UBR1: variants seen among roughly 807,000 people sequenced by gnomAD.
The protein encoded by UBR1 is ubiquitin protein ligase E3 component n-recognin 1.
A neutral mutation model predicts 242.1 loss-of-function variants in UBR1; 102 were observed. That is an observed-to-expected ratio of 0.42 (90% CI 0.36 to 0.50). The LOEUF is 0.50. UBR1 is among the 20% of genes least tolerant of loss of function. The probability of loss-of-function intolerance (pLI) is 0.01; values close to 1 mark genes in which losing one functional copy is unlikely to be tolerated. For synonymous variants in UBR1, 675 were observed against 684.8 expected, an observed-to-expected ratio of 0.99 and a Z score of 0.22; for missense variants, 1,772 against 2,101.8, an observed-to-expected ratio of 0.84 and a Z score of 3.07.
intron 32 of UBR1, among the ~76,000 whole-genome samples, chr15:43,002,222 A>G (rs2032736926): frequency 6.6e-6 from 1 of 152,210 alleles, no homozygotes; most frequent in South Asian, 2.1e-4. Flanking sequence ...ACAACTTTCT[A>G]TTTGTTTTTG....
At chr15:42,956,357 T>C (rs1411023967) in intron 44 of UBR1, among the ~76,000 whole-genome samples, 1 of 152,214 alleles carries the variant, frequency 6.6e-6, no homozygotes, top group Non-Finnish European at 1.5e-5. Context: ...ATTCACTCTG[T>C]CACCCAGGCT....
Position 43,026,591 on chromosome 15 carries a change from A to G in UBR1, c.2505T>C (p.Phe835=). ...DESLKDFNMY[F]YHYSKTQHSK... is the part of the protein sequence containing the mutation. ...TATGCTGGGTTTTGGAGTAATGATA[A>G]AAGTACATATTGAAGTCTTTCAGTG... is the stretch of plus-strand genomic sequence containing the variant. Residue 835 remains phenylalanine (F), a synonymous_variant, in exon 23 of 47, where the codon TTT becomes TTC. Coordinates refer to ENST00000290650, the MANE Select transcript of UBR1 (RefSeq NM_174916.3). 3 of 1,613,430 alleles carry G rather than the reference A, an allele frequency of 1.9e-6. No homozygotes were observed. Among genetic ancestry groups the G allele is most frequent in the East Asian group, 2.2e-5 (1 of 44,740 alleles).
At chr15:43,030,181 A>G in intron 20 of UBR1, 113 bp from the exon 21 acceptor site, 2 of 1,217,060 alleles carry the variant, frequency 1.6e-6, no homozygotes, top group East Asian at 5.2e-5. Context: ...AATCTGTGAG[A>G]GAGGGGCAAA....
chr15:43,044,808 C>G (rs764842559), intron 14 of UBR1, among the ~76,000 whole-genome samples: 1 of 152,002 alleles, frequency 6.6e-6, no homozygotes, highest in Non-Finnish European at 1.5e-5. Flanking sequence ...GGCAGCAGAA[C>G]CGCTTGAACC....
chr15:42,975,749 C>G (rs1386458616), intron 39 of UBR1, among the ~76,000 whole-genome samples: 3 of 151,842 alleles, frequency 2.0e-5, no homozygotes, highest in Non-Finnish European at 4.4e-5. Flanking sequence ...GCTGGAGTGC[C>G]ATGGCGTAAA....
rs185588808 is a variant in UBR1, at chr15:42,996,328, G to A, written c.3757+1840C>T. ...TATGATAACTTAGGCTGGGCACACTGGCTCATGCCTGTAATCCTGGTACTC... is the reference window on the plus strand; with the variant it reads ...TATGATAACTTAGGCTGGGCACACTAGCTCATGCCTGTAATCCTGGTACTC... On this transcript the variant is annotated intron_variant, in intron 33 of 46. Transcript: ENST00000290650. Among the ~76,000 whole-genome samples the A allele has an allele frequency of 6.6e-5, 10 of 152,294 alleles. No homozygotes were observed. In the East Asian group the frequency reaches 1.9e-3, roughly 29 times the overall value.
intron 8 of UBR1, 129 bp downstream of exon 8, chr15:43,059,573 T>C (rs1312594025): frequency 9.0e-7 from 1 of 1,106,806 alleles, no homozygotes; most frequent in African/African-American, 1.7e-5. Context: ...TGAAAATTAA[T>C]CAAAGTGTAT....
At chr15:43,076,613 A>T (rs1350999195) in intron 3 of UBR1, among the ~76,000 whole-genome samples, 1 of 149,070 alleles carries the variant, frequency 6.7e-6, no homozygotes, top group Non-Finnish European at 1.5e-5. Context: ...CTGGGAGGTG[A>T]GGAGCCTCTC....
At chr15:43,102,395 G>T (rs2034248442) in intron 1 of UBR1, among the ~76,000 whole-genome samples, 1 of 152,172 alleles carries the variant, frequency 6.6e-6, no homozygotes, top group African/African-American at 2.4e-5. Flanking sequence ...TTGGATTTAT[G>T]ATTCTGGAGT....
chr15:42,948,032 C>T (rs1048825833), intron 46 of UBR1, among the ~76,000 whole-genome samples: 10 of 152,196 alleles, frequency 6.6e-5, no homozygotes, highest in Admixed American at 4.6e-4. Flanking sequence ...TGACTTCAAA[C>T]CATACTACAA....
chr15:43,072,502 C>A (rs905741982), intron 4 of UBR1, among the ~76,000 whole-genome samples: 3 of 152,230 alleles, frequency 2.0e-5, no homozygotes, highest in Non-Finnish European at 4.4e-5. Flanking sequence ...CCCTTTCCAA[C>A]GTGGATGCCT....
intron 1 of UBR1, among the ~76,000 whole-genome samples, chr15:43,101,222 T>C (rs1482600363): frequency 6.6e-6 from 1 of 152,090 alleles, no homozygotes. Context: ...GTAATGAGTT[T>C]ATAAGTATAA....
intron 1 of UBR1, among the ~76,000 whole-genome samples, chr15:43,098,384 A>G (rs1197476370): frequency 6.6e-6 from 1 of 152,214 alleles, no homozygotes; most frequent in African/African-American, 2.4e-5. Flanking sequence ...GTGAGCACAC[A>G]ATGTTGAAAA....
intron 39 of UBR1, among the ~76,000 whole-genome samples, chr15:42,972,630 C>CA (rs1200101094): frequency 2.0e-5 from 3 of 152,172 alleles, no homozygotes; most frequent in Non-Finnish European, 4.4e-5. Flanking sequence ...CTTGTCCTCC[C>CA]AAAGTGCTGA....
chr15:43,091,848 C>T (rs1335953278), intron 1 of UBR1: 13 of 305,488 alleles, frequency 4.3e-5, no homozygotes, highest in Admixed American at 5.0e-5. Flanking sequence ...AGGAGAATCA[C>T]TTGAACCCGG....
In UBR1 at chr15:43,022,684, A is replaced by C; in HGVS notation, c.2839+18T>G. On this transcript the variant is annotated intron_variant, in intron 26 of 46. Transcript: ENST00000290650. ...ACTTTCAATGACAAATGTGTTGAAG[A>C]GTGATACTCAAACATACTTGAAGCC... 1 of 1,529,626 alleles carries C rather than the reference A, an allele frequency of 6.5e-7. No homozygotes were observed. Among genetic ancestry groups the C allele is most frequent in the Non-Finnish European group, 9.0e-7 (1 of 1,105,162 alleles). 94.8% of individuals were successfully genotyped at this position (1,529,626 alleles called of 1,614,324 possible).
intron 40 of UBR1, among the ~76,000 whole-genome samples, chr15:42,969,761 G>A (rs767360369): frequency 4.6e-5 from 7 of 152,192 alleles, no homozygotes; most frequent in Non-Finnish European, 8.8e-5. Flanking sequence ...GCTACAAAGA[G>A]AATACCTAGG....
intron 31 of UBR1, 87 bp downstream of exon 31, chr15:43,003,750 G>T: frequency 8.7e-7 from 1 of 1,147,102 alleles, no homozygotes; most frequent in Non-Finnish European, 1.3e-6. Context: ...AAGGAAAGAA[G>T]ACATGAGAAA....
chr15:42,960,673 A>C lies in UBR1; in HGVS notation c.4729T>G (p.Cys1577Gly), dbSNP rs777911334. 3.1e-6 allele frequency: 5 copies of C among 1,614,080 alleles called. No individual in the cohort carries two copies. Among genetic ancestry groups the C allele is most frequent in the Non-Finnish European group, 1.7e-6 (2 of 1,179,948 alleles). The change falls in exon 43 of 47, where the codon TGT becomes GGT. Residue 1577 changes from cysteine to glycine, a missense_variant. By Grantham distance (159) the Cys-to-Gly change is radical (BLOSUM62 -3). Around this residue, in one of 3 missense-constraint regions of UBR1, gnomAD observed 965 missense variants for 1,079.7 expected, o/e 0.89. Transcript: ENST00000290650. ...ACCACGGTGTTTTTTTGCTTCAAAC[A>C]GTTTAGTAAGGCAGGATCTGCACAC... ...RWCADPALLN[C>G]LKQKNTVVRY...
Sources: allele counts gnomAD v4.1 joint callset (sites outside exome capture counted in the v4.1 genomes callset), GRCh38; gene constraint gnomAD v4.1.1; regional missense constraint gnomAD v4.1.1; transcripts MANE v1.5; gene names NCBI Gene and HGNC (gene_info 2026-07-23, HGNC 2026-07-21).